Variants in FLII observed in about 807,000 individuals in gnomAD.
The protein encoded by FLII is FLII actin remodeling protein.
A neutral mutation model predicts 156.2 loss-of-function variants in FLII; 101 were observed. The ratio of observed to expected loss-of-function variants is 0.65; its 90% CI spans 0.55 to 0.76. The LOEUF (loss-of-function observed/expected upper bound fraction) is 0.76. Among genes scored for constraint, FLII ranks in the 30% least tolerant of loss-of-function variants. The pLI is 0.00. For synonymous variants in FLII, 767 were observed against 685.8 expected, an observed-to-expected ratio of 1.12 and a Z score of -1.85; for missense variants, 1,675 against 1,682.8, an observed-to-expected ratio of 1.00 and a Z score of 0.08.
intron 20 of FLII, 55 bp downstream of exon 20, chr17:18,247,602 G>A: frequency 6.9e-7 from 1 of 1,455,530 alleles, no homozygotes; most frequent in Non-Finnish European, 9.2e-7. Context: ...CAGGGGTCAG[G>A]GCATGTCAGG....
chr17:18,247,131 C>CA, intron 21 of FLII, 38 bp downstream of exon 21: 7 of 167,544 alleles, frequency 4.2e-5, no homozygotes, highest in Non-Finnish European at 5.9e-5. Context: ...CTGCCCCCCA[C>CA]CCCCCCCCCC....
At position 18,250,919 on chromosome 17, in the gene FLII, A is replaced by G. The variant is rs1161810945; in HGVS notation, c.1695T>C (p.Ala565=). ...LDKKACSAIH[A]VNLRNYLGAE... ...CACCCAGGTAGTTGCGCAAGTTGAC[A>G]GCGTGGATGGCAGAGCAAGCTTTCT... The change falls in exon 14 of 30, where the codon GCT becomes GCC. Residue 565 remains alanine, a synonymous_variant. Transcript: ENST00000327031. 1.9e-6 allele frequency: 3 copies of G among 1,613,908 alleles called. No individual in the cohort carries two copies. Among genetic ancestry groups the G allele is most frequent in the Non-Finnish European group, 2.5e-6 (3 of 1,180,000 alleles).
rs781561333 is a variant in FLII at position 18,249,148 on chromosome 17, T to C, written c.1913A>G (p.Lys638Arg). 2 of 1,614,096 alleles carry C rather than the reference T, an allele frequency of 1.2e-6. No homozygotes were observed. Among genetic ancestry groups the C allele is most frequent in the South Asian group, 2.2e-5 (2 of 91,084 alleles). The change falls in exon 16 of 30, where the codon AAG becomes AGG. Residue 638 changes from lysine to arginine, a missense_variant. By Grantham distance (26) the Lys-to-Arg change is conservative. This residue lies in a region of FLII where 1,332 missense variants were observed against 1,269.3 expected (regional missense o/e 1.05). Transcript: ENST00000327031. Reference sequence around the variant, plus strand: ...TCACCTTGGGTCCAGAGAGGTCCCCTTGAGGGGCACAGGCTCCAACTTGAT... The same window carrying C: ...TCACCTTGGGTCCAGAGAGGTCCCCCTGAGGGGCACAGGCTCCAACTTGAT... ...KNIKLEPVPLKGTSLDPRFVF... is the reference protein window; with the variant it reads ...KNIKLEPVPLRGTSLDPRFVF...
rs147728183 is a variant in FLII at position 18,247,795 on chromosome 17, G to A, written c.2349C>T (p.Asp783=). The A allele has an allele frequency of 6.2e-6, 10 of 1,612,170 alleles. No homozygotes were observed. Among genetic ancestry groups the A allele is most frequent in the Admixed American group, 3.3e-5 (2 of 59,996 alleles). ...RCVYILDCWS[D]VFIWLGRKSP... ...ACTTGCGGCCGAGCCAGATGAACAC[G>A]TCGGACCAACAGTCCAGAATGTACA... Residue 783 remains aspartate (D), a synonymous_variant, in exon 20 of 30, where the codon GAC becomes GAT. Coordinates refer to ENST00000327031, the MANE Select transcript of FLII (RefSeq NM_002018.4).
chr17:18,247,390 G>T (rs756894431), intron 20 of FLII, 33 bp from the exon 21 acceptor site: 1 of 1,563,484 alleles, frequency 6.4e-7, no homozygotes, highest in Non-Finnish European at 8.7e-7. Context: ...ACCATGAGGG[G>T]TGCGGCATGA....
rs1193376832 is a variant in FLII at position 18,247,059 on chromosome 17, G to C, written c.2677-7C>G. The C allele has an allele frequency of 6.2e-7, 1 of 1,612,122 alleles. No homozygotes were observed. On this transcript the variant is annotated splice_polypyrimidine_tract_variant and splice_region_variant and intron_variant, in intron 21 of 29. Coordinates refer to ENST00000327031, the MANE Select transcript of FLII (RefSeq NM_002018.4). ...CCTCCATCAGCTGCTCCGCCTGCAGGTGAGAGGGACCCGCCCCGCGGCAGG... is the reference window on the plus strand; with the variant it reads ...CCTCCATCAGCTGCTCCGCCTGCAGCTGAGAGGGACCCGCCCCGCGGCAGG...
rs1597903326 is a variant in FLII, at chr17:18,247,833, C to T, written c.2311G>A (p.Asp771Asn). ...TCCAGAATGTACACGCAGCGCGTGT[C>T]CAGCAGACTCTGCAGCTGCGGACCG... is the stretch of plus-strand genomic sequence containing the variant. ...PRMRLLQSLL[D>N]TRCVYILDCW... Residue 771 changes from aspartate (D) to asparagine (N), a missense_variant, in exon 20 of 30, where the codon GAC becomes AAC. Transcript: ENST00000327031. 6.2e-7 allele frequency: 1 copy of T among 1,613,676 alleles called. No individual in the cohort carries two copies. The highest frequency in any genetic ancestry group is 1.3e-5 in the African/African-American group (1 of 74,948).
intron 14 of FLII, 61 bp from the exon 15 acceptor site, chr17:18,249,469 C>T (rs1253673330): frequency 6.9e-6 from 9 of 1,312,424 alleles, no homozygotes; most frequent in African/African-American, 1.5e-5. Flanking sequence ...CCAACCACTG[C>T]CCCTCAGGTG....
intron 20 of FLII, 76 bp from the exon 21 acceptor site, chr17:18,247,433 G>A (rs2048113979): frequency 1.4e-6 from 2 of 1,417,914 alleles, no homozygotes; most frequent in Non-Finnish European, 1.9e-6. Context: ...GAGGCTTGAG[G>A]CGGGACCCAA....
rs2048243641 is a variant in FLII, at chr17:18,250,907, G to A, written c.1707C>T (p.Arg569=). The part of the protein sequence containing the change: ...ACSAIHAVNL[R]NYLGAECRTV... ...TGCGGCACTCAGCACCCAGGTAGTT[G>A]CGCAAGTTGACAGCGTGGATGGCAG... The change falls in exon 14 of 30, where the codon CGC becomes CGT. Residue 569 remains arginine (R), a synonymous_variant. Transcript: ENST00000327031. 1 of 1,614,064 alleles carries A rather than the reference G, an allele frequency of 6.2e-7. No individual in the cohort carries two copies. Among genetic ancestry groups the A allele is most frequent in the Non-Finnish European group, 8.5e-7 (1 of 1,180,002 alleles).
chr17:18,251,978 G>A, intron 11 of FLII, 21 bp downstream of exon 11: 1 of 1,611,282 alleles, frequency 6.2e-7, no homozygotes. Context: ...CCGTTCCCAG[G>A]CCAGACCTTT....
intron 18 of FLII, 105 bp downstream of exon 18, chr17:18,248,445 A>G (rs2048156562): frequency 9.1e-7 from 1 of 1,100,840 alleles, no homozygotes. Context: ...TCTCCCCACC[A>G]AAGTCGAGAT....
At chr17:18,245,450 A>G (rs1161442973) in intron 28 of FLII, 31 bp from the exon 29 acceptor site, 3 of 1,613,426 alleles carry the variant, frequency 1.9e-6, no homozygotes, top group Non-Finnish European at 2.5e-6. Context: ...ATACGGTTGC[A>G]TGGGTGCCTG....
At position 18,252,026 on chromosome 17, in the gene FLII, G is replaced by GA. The variant is rs1377112224; in HGVS notation, c.1218dup (p.Pro407SerfsTer34). On this transcript the variant is annotated frameshift_variant, in exon 11 of 30. Coordinates refer to ENST00000327031, the MANE Select transcript of FLII (RefSeq NM_002018.4). LOFTEE classifies it high-confidence loss of function. ...GCTGCAGCTGCAGCCACGGTAGCAG[G>GA]AGAGGCACCCGCTAGCCGCAGCTGG... is the stretch of plus-strand genomic sequence containing the variant. 1.2e-6 allele frequency: 2 copies of GA among 1,613,140 alleles called. No individual in the cohort carries two copies. Among genetic ancestry groups the GA allele is most frequent in the Non-Finnish European group, 1.7e-6 (2 of 1,179,916 alleles).
At chr17:18,258,801 GC>G (rs2048509600), upstream of FLII, 4 of 629,970 alleles carry the variant, frequency 6.3e-6, no homozygotes, top group South Asian at 3.1e-4. This position sits in a 1 kb window ranked among gnomAD's most constrained non-coding sequence, Gnocchi z 4.2. Flanking sequence ...ACCCGCCCGC[GC>G]CCGCCGCATT....
chr17:18,246,447 G>A lies in FLII; in HGVS notation c.3067C>T (p.Gln1023Ter). 6.2e-7 allele frequency: 1 copy of A among 1,613,950 alleles called. No homozygotes were observed. Among genetic ancestry groups the A allele is most frequent in the East Asian group, 2.2e-5 (1 of 44,870 alleles). ...PGKLEVVRMTQQQENPKFLSH... is the reference protein window; with the variant it reads ...PGKLEVVRMT ...AGGAACTTGGGGTTCTCCTGCTGCT[G>A]CGTCATGCGTACCACCTGGGGATGT... Residue 1023 changes from glutamine to a stop codon, truncating the protein, a stop_gained, in exon 24 of 30, where the codon CAG (glutamine) becomes TAG (stop). Coordinates refer to ENST00000327031, the MANE Select transcript of FLII (RefSeq NM_002018.4). LOFTEE classifies it high-confidence loss of function.
At chr17:18,250,789 T>C (rs773814487) in intron 14 of FLII, 49 bp downstream of exon 14, 1 of 1,572,660 alleles carries the variant, frequency 6.4e-7, no homozygotes, top group East Asian at 2.3e-5. Flanking sequence ...TGCACCAGAG[T>C]TCCCTGGGAA....
In FLII at chr17:18,251,367, C is replaced by G; in HGVS notation, c.1494G>C (p.Leu498=). ...CTATCTGCCAGATGGTCAGTCCGGG[C>G]AGCTGGCCCACGTCCTCCGTGAAGA... ...SEFFTEDVGQ[L]PGLTIWQIEN... Residue 498 remains leucine, a synonymous_variant, in exon 13 of 30, where the codon CTG becomes CTC. Transcript: ENST00000327031. 1.2e-6 allele frequency: 2 copies of G among 1,613,790 alleles called. No homozygotes were observed. The highest frequency in any genetic ancestry group is 2.2e-5 in the East Asian group (1 of 44,888).
In FLII at chr17:18,246,465, G is replaced by A. The variant is rs200974370; in HGVS notation, c.3052-3C>T. On this transcript the variant is annotated splice_region_variant and splice_polypyrimidine_tract_variant and intron_variant, in intron 23 of 29. Transcript: ENST00000327031. ...TGCTGCTGCGTCATGCGTACCACCT[G>A]GGGATGTGGAAGTGTTAGGGGCAGC... 3.1e-6 allele frequency: 5 copies of A among 1,613,684 alleles called. No individual in the cohort carries two copies. The highest frequency in any genetic ancestry group is 1.7e-5 in the Admixed American group (1 of 60,000).
Sources: allele counts gnomAD v4.1 joint callset, GRCh38; gene constraint gnomAD v4.1.1; regional missense constraint gnomAD v4.1.1; non-coding constraint Gnocchi (gnomAD v3.1); transcripts MANE v1.5; gene names NCBI Gene and HGNC (gene_info 2026-07-23, HGNC 2026-07-21).